The following TMLHE variants were observed in gnomAD, a reference collection of about 807,000 sequenced individuals.
The protein encoded by TMLHE is trimethyllysine hydroxylase, epsilon.
A neutral mutation model predicts 25.7 loss-of-function variants in TMLHE; 18 were observed. That is an observed-to-expected ratio of 0.70 (90% CI 0.48 to 1.04). TMLHE has a LOEUF of 1.04. TMLHE is among the 50% of genes least tolerant of loss of function. The probability of loss-of-function intolerance (pLI) is 0.00; values close to 1 mark genes in which losing one functional copy is unlikely to be tolerated. For missense variants in TMLHE, 236 were observed against 259.0 expected (o/e 0.91, Z 0.61); for synonymous variants, 105 against 97.0 (o/e 1.08, Z -0.49).
intron 3 of TMLHE, among the ~76,000 whole-genome samples, chrX:155,518,414 C>T (rs75131525): frequency 1.1e-4 from 10 of 93,173 alleles, no homozygotes; most frequent in African/African-American, 3.5e-4. Context: ...CTGCTGGATT[C>T]GGTTTGCCAG....
At chrX:155,556,583 G>A (rs2067457289) in intron 1 of TMLHE, among the ~76,000 whole-genome samples, 1 of 109,165 alleles carries the variant, frequency 9.2e-6, no homozygotes, top group African/African-American at 3.3e-5. Flanking sequence ...GTACTTAACA[G>A]GGTAATAGAA....
At chrX:155,532,479 C>T (rs2067254551) in intron 2 of TMLHE, among the ~76,000 whole-genome samples, 1 of 111,801 alleles carries the variant, frequency 8.9e-6, no homozygotes, top group Non-Finnish European at 1.9e-5. Flanking sequence ...TTGTCTGTGA[C>T]AGCAGGCATG....
chrX:155,546,564 G>A (rs1569562036), intron 1 of TMLHE, among the ~76,000 whole-genome samples: 1 of 111,283 alleles, frequency 9.0e-6, no homozygotes, highest in Non-Finnish European at 1.9e-5. Flanking sequence ...GTTGTAAGCT[G>A]ATGAAAGGAC....
intron 1 of TMLHE, among the ~76,000 whole-genome samples, chrX:155,548,366 TCAAGCA>T (rs1557339205): frequency 1.8e-5 from 2 of 112,029 alleles, no homozygotes; most frequent in Non-Finnish European, 3.8e-5. Flanking sequence ...GGATTAATAA[TCAAGCA>T]ATTTGCAAAC....
intron 1 of TMLHE, among the ~76,000 whole-genome samples, chrX:155,555,532 A>G (rs781829827): frequency 1.8e-5 from 2 of 110,630 alleles, no homozygotes; most frequent in Non-Finnish European, 3.8e-5. Context: ...CATCCTCTCC[A>G]GCACCTGTTG....
intron 5 of TMLHE, among the ~76,000 whole-genome samples, chrX:155,510,034 C>T (rs1423294537): frequency 9.0e-6 from 1 of 111,416 alleles, no homozygotes; most frequent in Non-Finnish European, 1.9e-5. Context: ...TAATGCCATA[C>T]TCAAAGCAGC....
At chrX:155,516,161 TC>T (rs1235301039) in intron 3 of TMLHE, among the ~76,000 whole-genome samples, 6 of 41,248 alleles carry the variant, frequency 1.5e-4, no homozygotes, top group Non-Finnish European at 2.7e-4. Flanking sequence ...ATGCTATCCC[TC>T]CCCCCTCCCC....
At chrX:155,537,400 G>A (rs1456857907) in intron 2 of TMLHE, among the ~76,000 whole-genome samples, 1 of 111,043 alleles carries the variant, frequency 9.0e-6, no homozygotes, top group African/African-American at 3.3e-5. Context: ...GTTTACTGTT[G>A]TCCACTTTAT....
intron 1 of TMLHE, among the ~76,000 whole-genome samples, chrX:155,567,693 T>C (rs1284861173): frequency 1.6e-5 from 1 of 62,020 alleles, no homozygotes; most frequent in Non-Finnish European, 4.5e-5. Flanking sequence ...ATCTATGGCA[T>C]TTTAACCTGG....
chrX:155,564,597 G>C (rs180833920), intron 1 of TMLHE, among the ~76,000 whole-genome samples: 1 of 61,806 alleles, frequency 1.6e-5, no homozygotes, highest in African/African-American at 3.6e-5. Context: ...GGGAAGTGTA[G>C]CCTTGGAAGA....
chrX:155,564,107 G>C (rs140867968), intron 1 of TMLHE, among the ~76,000 whole-genome samples: 834 of 61,630 alleles, frequency 0.014, 96 homozygotes, highest in African/African-American at 0.028. Flanking sequence ...GTGTTGTAGA[G>C]AGAGGGGTGA....
intron 1 of TMLHE, among the ~76,000 whole-genome samples, chrX:155,608,910 A>G (rs2067803123): frequency 8.9e-6 from 1 of 112,109 alleles, no homozygotes; most frequent in Admixed American, 9.4e-5. Context: ...CGATGGTGCA[A>G]AGAAAAGGGA....
At chrX:155,530,026 T>C (rs2067240647) in intron 2 of TMLHE, among the ~76,000 whole-genome samples, 1 of 111,786 alleles carries the variant, frequency 8.9e-6, no homozygotes, top group Non-Finnish European at 1.9e-5. Flanking sequence ...AGCTGATTTG[T>C]GTGTAGGATG....
intron 1 of TMLHE, among the ~76,000 whole-genome samples, chrX:155,550,711 T>C (rs1557339917): frequency 9.0e-6 from 1 of 110,771 alleles, no homozygotes. Flanking sequence ...TTCAGACAAG[T>C]GGTTTCTCAA....
At chrX:155,512,442 G>C (rs1373363864) in intron 4 of TMLHE, among the ~76,000 whole-genome samples, 2 of 108,313 alleles carry the variant, frequency 1.8e-5, no homozygotes, top group Non-Finnish European at 3.8e-5. Context: ...CCTTGCGATA[G>C]TTTACTGAGA....
At chrX:155,571,517 C>T (rs1557343135) in intron 1 of TMLHE, among the ~76,000 whole-genome samples, 1 of 51,604 alleles carries the variant, frequency 1.9e-5, no homozygotes, top group African/African-American at 4.7e-5. Context: ...CAAAGCCGGG[C>T]AGAGACACAA....
intron 1 of TMLHE, among the ~76,000 whole-genome samples, chrX:155,559,562 C>G (rs782347067): frequency 7.2e-5 from 8 of 111,752 alleles, no homozygotes; most frequent in Non-Finnish European, 1.3e-4. Flanking sequence ...ATCATAATAA[C>G]AGAAACTTTT....
chrX:155,528,861 A>G (rs1569561958), intron 2 of TMLHE, among the ~76,000 whole-genome samples: 1 of 111,606 alleles, frequency 9.0e-6, no homozygotes, highest in Non-Finnish European at 1.9e-5. Flanking sequence ...ACCTCTCAGT[A>G]TTTATCGTAT....
chrX:155,602,542 A>T (rs2067762035), intron 1 of TMLHE, among the ~76,000 whole-genome samples: 1 of 111,559 alleles, frequency 9.0e-6, no homozygotes. Flanking sequence ...TATACTGGAG[A>T]TGCTAGCCAG....
Sources: gnomAD v4.1 joint callset for allele counts (sites outside exome capture counted in the v4.1 genomes callset) on GRCh38, gnomAD v4.1.1 for gene constraint, MANE v1.5 for transcripts, NCBI Gene and HGNC (gene_info 2026-07-23, HGNC 2026-07-21) for gene names.